Variants in AMMECR1 observed in about 807,000 individuals in gnomAD.
AMMECR1 encodes the protein AMMECR nuclear protein 1.
A neutral mutation model predicts 22.5 loss-of-function variants in AMMECR1; 3 were observed. The observed-to-expected ratio is 0.13, with a 90% confidence interval of 0.06 to 0.35. The LOEUF is 0.35. Ranked by LOEUF, AMMECR1 falls within the 10% of genes least tolerant of loss-of-function variation. The pLI is 1.00. For missense variants in AMMECR1, 235 were observed against 278.7 expected, an observed-to-expected ratio of 0.84 and a Z score of 1.12; for synonymous variants, 130 against 116.7, an observed-to-expected ratio of 1.11 and a Z score of -0.74.
chrX:110,318,707 T>C (rs2068067146), upstream of AMMECR1, among the ~76,000 whole-genome samples: 1 of 111,356 alleles, frequency 9.0e-6, no homozygotes, highest in Non-Finnish European at 1.9e-5. Context: ...GTAAAGTGTG[T>C]ACAAAGCAAT....
chrX:110,352,857 A>T (rs1365616524), intron 2 of AMMECR1, among the ~76,000 whole-genome samples: 1 of 112,349 alleles, frequency 8.9e-6, no homozygotes, highest in Non-Finnish European at 1.9e-5. Flanking sequence ...TAATTCACCC[A>T]ACAAATATTT....
At chrX:110,375,316 G>A (rs182964246) in intron 2 of AMMECR1, among the ~76,000 whole-genome samples, 7 of 112,057 alleles carry the variant, frequency 6.2e-5, no homozygotes, top group Non-Finnish European at 1.1e-4. Context: ...ACACTGGAAT[G>A]AGCAACAGGA....
intron 2 of AMMECR1, among the ~76,000 whole-genome samples, chrX:110,340,714 ATTGTTTATTGAC>A (rs2068161078): frequency 8.9e-6 from 1 of 112,577 alleles, no homozygotes; most frequent in South Asian, 3.7e-4. Context: ...GCATTCAGCA[ATTGTTTATTGAC>A]TCTGAATCAC....
At chrX:110,206,783 T>C (rs2067423793) in intron 3 of AMMECR1, among the ~76,000 whole-genome samples, 1 of 111,470 alleles carries the variant, frequency 9.0e-6, no homozygotes. Flanking sequence ...CCATGGTCAG[T>C]CCCATTCTTC....
At chrX:110,283,679 C>G (rs774195747) in intron 1 of AMMECR1, among the ~76,000 whole-genome samples, 2 of 111,877 alleles carry the variant, frequency 1.8e-5, no homozygotes, top group Non-Finnish European at 3.8e-5. Context: ...TAATCACCTC[C>G]CAAATAACCC....
At chrX:110,235,496 A>T (rs1159593051) in intron 2 of AMMECR1, among the ~76,000 whole-genome samples, 3 of 112,609 alleles carry the variant, frequency 2.7e-5, no homozygotes, top group Admixed American at 9.3e-5. Flanking sequence ...TACCCAAAGG[A>T]TTATAAATCA....
chrX:110,380,060 T>C (rs1184156723), intron 2 of AMMECR1, among the ~76,000 whole-genome samples: 1 of 111,879 alleles, frequency 8.9e-6, no homozygotes, highest in Admixed American at 9.5e-5. Flanking sequence ...TCTGATTCCT[T>C]ATCCCCATCA....
At chrX:110,339,422 A>C (rs1011406847) in intron 2 of AMMECR1, among the ~76,000 whole-genome samples, 13 of 108,318 alleles carry the variant, frequency 1.2e-4, no homozygotes, top group Non-Finnish European at 1.5e-4. Context: ...AAAAAAAAAA[A>C]AAACAAAAAA....
At position 110,433,698 on chromosome X, in the gene AMMECR1, G is replaced by A. The variant is rs185760331; in HGVS notation, c.-294+6192C>T. 1.0e-3 allele frequency among the ~76,000 whole-genome samples: 116 copies of A among 111,645 alleles called. 1 individual carries two copies. Among genetic ancestry groups the A allele is most frequent in the Non-Finnish European group, 9.4e-4 (50 of 53,230 alleles). ...TCAATCATGAAAAGAGCTTAGGACA[G>A]TGACACTTTTAGAAAGCCCTGAATG... On this transcript the variant is annotated intron_variant, in intron 1 of 7. Transcript: ENST00000372057.
chrX:110,269,677 A>G (rs2148201502), intron 1 of AMMECR1, among the ~76,000 whole-genome samples: 1 of 111,633 alleles, frequency 9.0e-6, no homozygotes, highest in East Asian at 2.8e-4. Context: ...AGCTAAAAAT[A>G]CCATAATTCC....
At chrX:110,408,439 G>A (rs1241257755) in intron 2 of AMMECR1, among the ~76,000 whole-genome samples, 1 of 112,641 alleles carries the variant, frequency 8.9e-6, no homozygotes. Flanking sequence ...ATGAAAAATA[G>A]TCTAGCATCC....
intron 2 of AMMECR1, among the ~76,000 whole-genome samples, chrX:110,247,480 C>T: frequency 9.0e-6 from 1 of 111,563 alleles, no homozygotes; most frequent in Admixed American, 9.4e-5. Flanking sequence ...CACTTGAACC[C>T]AGGAGTTGAA....
chrX:110,404,399 C>T (rs750551971), intron 2 of AMMECR1, among the ~76,000 whole-genome samples: 1 of 111,601 alleles, frequency 9.0e-6, no homozygotes, highest in Non-Finnish European at 1.9e-5. Context: ...GGTGCTTTTC[C>T]GATCAGTTTC....
At chrX:110,339,158 C>T (rs1375606977) in intron 2 of AMMECR1, among the ~76,000 whole-genome samples, 1 of 111,222 alleles carries the variant, frequency 9.0e-6, no homozygotes, top group Non-Finnish European at 1.9e-5. Context: ...AAAGGGTGTG[C>T]CACCAACGGT....
chrX:110,246,675 A>G (rs1173559550), intron 2 of AMMECR1, among the ~76,000 whole-genome samples: 1 of 112,375 alleles, frequency 8.9e-6, no homozygotes, highest in African/African-American at 3.2e-5. Context: ...ATTGGAAGGC[A>G]AGATAAAGCA....
At chrX:110,259,275 G>C (rs1239012728) in intron 2 of AMMECR1, among the ~76,000 whole-genome samples, 2 of 111,304 alleles carry the variant, frequency 1.8e-5, no homozygotes, top group African/African-American at 6.5e-5. Context: ...CCCTAGAAAG[G>C]GCTAAACTTT....
chrX:110,229,096 T>C (rs2067548774), intron 2 of AMMECR1, among the ~76,000 whole-genome samples: 1 of 112,378 alleles, frequency 8.9e-6, no homozygotes, highest in Non-Finnish European at 1.9e-5. Flanking sequence ...AGGTCAAATA[T>C]GTGATTCTTG....
chrX:110,338,516 T>C (rs760881685), intron 2 of AMMECR1, among the ~76,000 whole-genome samples: 3 of 112,265 alleles, frequency 2.7e-5, no homozygotes, highest in Non-Finnish European at 3.8e-5. Context: ...TTGCTTATGA[T>C]CAGCCGTTTT....
At chrX:110,275,699 G>A (rs1004151683) in intron 1 of AMMECR1, among the ~76,000 whole-genome samples, 2 of 110,602 alleles carry the variant, frequency 1.8e-5, no homozygotes, top group Admixed American at 1.9e-4. Flanking sequence ...GTGTGGTGAC[G>A]CATGCCTGTA....
Sources: allele counts gnomAD v4.1 joint callset (sites outside exome capture counted in the v4.1 genomes callset), GRCh38; gene constraint gnomAD v4.1.1; transcripts MANE v1.5; gene names NCBI Gene and HGNC (gene_info 2026-07-23, HGNC 2026-07-21).